Variants in TFCP2L1 observed in about 807,000 individuals in gnomAD.
The protein encoded by TFCP2L1 is transcription factor CP2 like 1.
TFCP2L1 carries 12 observed loss-of-function variants against 72.2 expected under a neutral mutation model. The observed-to-expected ratio is 0.17, with a 90% CI of 0.11 to 0.27. TFCP2L1 has a LOEUF of 0.27. Ranked by LOEUF, TFCP2L1 falls within the 10% of genes least tolerant of loss-of-function variation. The pLI, the probability that TFCP2L1 is intolerant of heterozygous loss-of-function variation, is 1.00. For synonymous variants in TFCP2L1, 260 were observed against 251.0 expected (o/e 1.04, Z -0.34); for missense variants, 488 against 624.6 (o/e 0.78, Z 2.33).
chr2:121,249,252 G>A (rs1686554382), intron 3 of TFCP2L1, among the ~76,000 whole-genome samples, 165 bp from the exon 4 acceptor site: 1 of 151,910 alleles, frequency 6.6e-6, no homozygotes, highest in Admixed American at 6.6e-5. Context: ...TCAGATTCCA[G>A]TAACACTAAC....
intron 2 of TFCP2L1, among the ~76,000 whole-genome samples, chr2:121,266,906 T>C (rs1686944286): frequency 6.6e-6 from 1 of 150,816 alleles, no homozygotes; most frequent in South Asian, 2.1e-4. Flanking sequence ...TATTTATTTA[T>C]TTATTTATTT....
At position 121,222,036 on chromosome 2, in the gene TFCP2L1, G is replaced by T. The variant is rs149599337; in HGVS notation, c.*2305C>A. ...TTCTCCAAAGAAATACGCATGGCCC[G>T]TAAGCACAGGAAAAGACACTCAGCA... On this transcript the variant is annotated 3_prime_UTR_variant, in exon 15 of 15. Transcript: ENST00000263707. The T allele has an allele frequency of 6.6e-6, 1 of 152,106 alleles. No homozygotes were observed. Among genetic ancestry groups the T allele is most frequent in the Non-Finnish European group, 1.5e-5 (1 of 68,036 alleles). The allele number at this position is 152,106 out of a possible 1,614,324, so 9.4% of individuals were successfully genotyped here. A position where few individuals can be genotyped will look rare whatever the true frequency, so the allele number is the denominator to read the frequency against.
At position 121,217,400 on chromosome 2, in the gene TFCP2L1, G is replaced by A. The variant is rs1290861586; in HGVS notation, c.*6941C>T. The A allele has an allele frequency of 6.6e-6, 1 of 152,314 alleles. No homozygotes were observed. The highest frequency in any genetic ancestry group is 6.5e-5 in the Admixed American group (1 of 15,292). 9.4% of individuals were successfully genotyped at this position (152,314 alleles called of 1,614,324 possible). A position where few individuals can be genotyped will look rare whatever the true frequency, so the allele number is the denominator to read the frequency against. ...TGCACAGAGGCTGGACAAGCCACAG[G>A]GGGCTGGATGGCCACAGCCGGACCT... On this transcript the variant is annotated 3_prime_UTR_variant, in exon 15 of 15. Coordinates refer to ENST00000263707, the MANE Select transcript of TFCP2L1 (RefSeq NM_014553.3).
chr2:121,250,370 A>ACG, intron 2 of TFCP2L1, among the ~76,000 whole-genome samples: 1 of 151,026 alleles, frequency 6.6e-6, no homozygotes, highest in African/African-American at 2.4e-5. Context: ...ATATACACAC[A>ACG]CACACATACA....
At chr2:121,240,636 C>T (rs55995797) in intron 7 of TFCP2L1, 54,427 of 985,260 alleles carry the variant, frequency 0.055, 2,650 homozygotes, top group African/African-American at 0.24. Flanking sequence ...GCATGTGGCT[C>T]ACCAGGACCT....
At chr2:121,256,529 G>A (rs1686723416) in intron 2 of TFCP2L1, among the ~76,000 whole-genome samples, 1 of 152,142 alleles carries the variant, frequency 6.6e-6, no homozygotes, top group African/African-American at 2.4e-5. Context: ...TATAATCCCA[G>A]CACTTTGGGA....
chr2:121,247,157 G>A (rs900730518), intron 5 of TFCP2L1, among the ~76,000 whole-genome samples, 187 bp from the exon 6 acceptor site: 1 of 152,098 alleles, frequency 6.6e-6, no homozygotes, highest in African/African-American at 2.4e-5. Context: ...TCCCCTGCCT[G>A]CAAAAGACAT....
chr2:121,247,070 G>T, intron 5 of TFCP2L1, 100 bp from the exon 6 acceptor site: 1 of 1,421,694 alleles, frequency 7.0e-7, no homozygotes, highest in Non-Finnish European at 9.6e-7. Context: ...TTCCCTGCTT[G>T]GTCAGTGCAG....
At chr2:121,273,037 T>C (rs539648593) in intron 2 of TFCP2L1, among the ~76,000 whole-genome samples, 10 of 152,338 alleles carry the variant, frequency 6.6e-5, no homozygotes, top group Admixed American at 6.5e-5. Flanking sequence ...TGCACCCCCA[T>C]GCTTGCCTTT....
chr2:121,241,764 C>A (rs988151685), intron 7 of TFCP2L1, among the ~76,000 whole-genome samples: 1 of 152,098 alleles, frequency 6.6e-6, no homozygotes, highest in African/African-American at 2.4e-5. Flanking sequence ...GAAACAACCC[C>A]GCATCCACCA....
In TFCP2L1 at chr2:121,226,059, G is replaced by A. The variant is rs954490345; in HGVS notation, c.1342-446C>T. On this transcript the variant is annotated intron_variant, in intron 13 of 14. Coordinates refer to ENST00000263707, the MANE Select transcript of TFCP2L1 (RefSeq NM_014553.3). The stretch of plus-strand genomic sequence containing the variant: ...GGAACGTGGTAAACACCACTGCCAC[G>A]GTGTCTACACACACGGGAACACGGT... Among the ~76,000 whole-genome samples the A allele has an allele frequency of 2.1e-5, 3 of 139,912 alleles. 1 individual carries two copies. Among genetic ancestry groups the A allele is most frequent in the Non-Finnish European group, 3.1e-5 (2 of 65,006 alleles). 91.8% of individuals were successfully genotyped at this position (139,912 alleles called of 152,430 possible).
chr2:121,250,819 C>A (rs565420326), intron 2 of TFCP2L1, among the ~76,000 whole-genome samples: 100 of 151,920 alleles, frequency 6.6e-4, no homozygotes, highest in Middle Eastern at 6.8e-3. Context: ...GTTAGCCAGG[C>A]TGGTCTCAAA....
At chr2:121,284,683 A>C (rs1573406090) in intron 1 of TFCP2L1, among the ~76,000 whole-genome samples, 3 of 152,274 alleles carry the variant, frequency 2.0e-5, no homozygotes. Flanking sequence ...GCTGGCAGGA[A>C]GTTTCCTCTG....
chr2:121,265,945 A>G lies in TFCP2L1; in HGVS notation c.214+15175T>C, dbSNP rs1686922378. 2.0e-5 allele frequency among the ~76,000 whole-genome samples: 3 copies of G among 149,048 alleles called. No individual in the cohort carries two copies. The South Asian group carries it at 6.3e-4, about 31-fold the overall frequency. ...CAGTGATGTAGTCTCGGCTCAGTGC[A>G]GCCTCGACCTCCGGGGTTGAAGCGA... On this transcript the variant is annotated intron_variant, in intron 2 of 14. Coordinates refer to ENST00000263707, the MANE Select transcript of TFCP2L1 (RefSeq NM_014553.3).
intron 2 of TFCP2L1, among the ~76,000 whole-genome samples, chr2:121,272,930 C>G (rs1687072447): frequency 6.6e-6 from 1 of 152,142 alleles, no homozygotes; most frequent in Non-Finnish European, 1.5e-5. Context: ...GATATCTGGT[C>G]TACCTCTCCA....
At chr2:121,274,149 G>C (rs1169676738) in intron 2 of TFCP2L1, among the ~76,000 whole-genome samples, 1 of 151,370 alleles carries the variant, frequency 6.6e-6, no homozygotes, top group East Asian at 1.9e-4. Flanking sequence ...TTGGTCATAT[G>C]ATGAAGAATA....
At chr2:121,236,267 G>A (rs557624063) in intron 10 of TFCP2L1, among the ~76,000 whole-genome samples, 27 of 152,276 alleles carry the variant, frequency 1.8e-4, no homozygotes, top group East Asian at 7.7e-4. Flanking sequence ...GTCTAGCCCC[G>A]GAGAGGGCTG....
At chr2:121,239,848 T>C (rs781389290) in intron 7 of TFCP2L1, among the ~76,000 whole-genome samples, 199 bp from the exon 8 acceptor site, 9 of 152,144 alleles carry the variant, frequency 5.9e-5, no homozygotes, top group Non-Finnish European at 1.3e-4. Flanking sequence ...AGCAGAAATG[T>C]TCAGTAAGTC....
chr2:121,240,441 A>G, intron 7 of TFCP2L1: 1 of 985,438 alleles, frequency 1.0e-6, no homozygotes, highest in Non-Finnish European at 1.2e-6. Context: ...CCGAAGATTT[A>G]CTATCACCCA....
Sources: allele counts gnomAD v4.1 joint callset (sites outside exome capture counted in the v4.1 genomes callset), GRCh38; gene constraint gnomAD v4.1.1; transcripts MANE v1.5; gene names NCBI Gene and HGNC (gene_info 2026-07-23, HGNC 2026-07-21).